Variants in SLC13A1 observed in about 807,000 individuals in gnomAD.
SLC13A1 encodes Na(+)/sulfate cotransporter.
In SLC13A1, 65 loss-of-function variants were observed where a neutral mutation model predicts 70.0. That is an observed-to-expected ratio of 0.93 (90% CI 0.76 to 1.14). The LOEUF is 1.14. Ranked by LOEUF, SLC13A1 falls within the 50% of genes most tolerant of loss-of-function variation. The pLI is 0.00. For missense variants in SLC13A1, 726 were observed against 717.8 expected, an observed-to-expected ratio of 1.01 and a Z score of -0.13; for synonymous variants, 275 against 250.5, an observed-to-expected ratio of 1.10 and a Z score of -0.92.
At chr7:123,192,683 C>G (rs1018667419) in intron 1 of SLC13A1, among the ~76,000 whole-genome samples, 4 of 152,068 alleles carry the variant, frequency 2.6e-5, no homozygotes, top group South Asian at 2.1e-4. Flanking sequence ...ATCATGCATT[C>G]TAAATCTCTG....
At chr7:123,150,849 C>T (rs1794530060) in intron 6 of SLC13A1, among the ~76,000 whole-genome samples, 1 of 152,102 alleles carries the variant, frequency 6.6e-6, no homozygotes, top group African/African-American at 2.4e-5. Flanking sequence ...GCCTTCCATC[C>T]TTCCTTAAAA....
At chr7:123,190,534 T>G (rs1237712058) in intron 1 of SLC13A1, 2 of 456,512 alleles carry the variant, frequency 4.4e-6, no homozygotes, top group African/African-American at 4.0e-5. Context: ...GAGGCCCTCC[T>G]GGTCAGTCAG....
At chr7:123,151,940 G>A (rs1294831701) in intron 6 of SLC13A1, among the ~76,000 whole-genome samples, 2 of 152,088 alleles carry the variant, frequency 1.3e-5, no homozygotes, top group Non-Finnish European at 2.9e-5. Context: ...TAATGAAATA[G>A]TGTGTTTATA....
At position 123,114,715 on chromosome 7, in the gene SLC13A1, T is replaced by C. The variant is rs1223156401; in HGVS notation, c.*803A>G. 6.6e-6 allele frequency: 1 copy of C among 152,180 alleles called. No homozygotes were observed. Among genetic ancestry groups the C allele is most frequent in the Non-Finnish European group, 1.5e-5 (1 of 68,010 alleles). The allele number at this position is 152,180 out of a possible 1,614,324, so 9.4% of individuals were successfully genotyped here. ...CGAAAATATGTTAATAGTTTTATAG[T>C]GTTCAGCTTTCCTTTCTAACTATAC... On this transcript the variant is annotated 3_prime_UTR_variant, in exon 15 of 15. Coordinates refer to ENST00000194130, the MANE Select transcript of SLC13A1 (RefSeq NM_022444.4).
At chr7:123,176,237 G>T (rs1450454956) in intron 2 of SLC13A1, among the ~76,000 whole-genome samples, 1 of 152,152 alleles carries the variant, frequency 6.6e-6, no homozygotes, top group African/African-American at 2.4e-5. Flanking sequence ...CCTATTCTAT[G>T]GTTTTCATCA....
At chr7:123,149,838 T>C (rs1794493699) in intron 6 of SLC13A1, among the ~76,000 whole-genome samples, 1 of 152,340 alleles carries the variant, frequency 6.6e-6, no homozygotes, top group South Asian at 2.1e-4. Flanking sequence ...TGCCCAGTTA[T>C]GGTCCTCTCC....
intron 6 of SLC13A1, among the ~76,000 whole-genome samples, chr7:123,163,663 A>C (rs1260033710): frequency 1.3e-5 from 2 of 152,078 alleles, no homozygotes; most frequent in Non-Finnish European, 2.9e-5. Flanking sequence ...TCTACCCAAA[A>C]TGAAACCAGT....
chr7:123,117,664 AT>A, intron 13 of SLC13A1, 56 bp from the exon 14 acceptor site: 5 of 1,201,874 alleles, frequency 4.2e-6, no homozygotes, highest in East Asian at 2.4e-5. Flanking sequence ...GACACGAAAC[AT>A]AAAAAAAAAA....
intron 6 of SLC13A1, among the ~76,000 whole-genome samples, chr7:123,150,944 T>G (rs1794532576): frequency 1.3e-5 from 2 of 152,134 alleles, no homozygotes; most frequent in Non-Finnish European, 2.9e-5. Context: ...TTTATTGATT[T>G]AATGACTATT....
chr7:123,170,674 G>A (rs1221253720), intron 3 of SLC13A1, among the ~76,000 whole-genome samples: 1 of 151,842 alleles, frequency 6.6e-6, no homozygotes, highest in African/African-American at 2.4e-5. Context: ...TGTTGCCCAG[G>A]CTGGAGTGCA....
intron 6 of SLC13A1, among the ~76,000 whole-genome samples, chr7:123,158,939 G>A (rs1440718064): frequency 6.6e-6 from 1 of 152,000 alleles, no homozygotes; most frequent in Non-Finnish European, 1.5e-5. Context: ...ATATATTCAA[G>A]AAGAAGGACC....
rs1793284520 is a variant in SLC13A1, at chr7:123,119,172, A to T, written c.1421T>A (p.Ile474Asn). 6.2e-7 allele frequency: 1 copy of T among 1,612,764 alleles called. No individual in the cohort carries two copies. Among genetic ancestry groups the T allele is most frequent in the African/African-American group, 1.3e-5 (1 of 74,880 alleles). ...PLGSLPAWLI[I>N]LISSLMVTSL... Reference sequence around the variant, plus strand: ...TGTCACCATCAAAGAAGATATCAGAATTATTAGCCATGCTGGTAATGAACC... The same window carrying T: ...TGTCACCATCAAAGAAGATATCAGATTTATTAGCCATGCTGGTAATGAACC... The change falls in exon 13 of 15, where the codon ATT (isoleucine) becomes AAT (asparagine). Residue 474 changes from isoleucine to asparagine, a missense_variant. Physicochemically the swap from Ile to Asn is moderately radical, Grantham distance 149 (BLOSUM62 -3). Coordinates refer to ENST00000194130, the MANE Select transcript of SLC13A1 (RefSeq NM_022444.4).
At chr7:123,138,436 C>T (rs1794023039) in intron 7 of SLC13A1, among the ~76,000 whole-genome samples, 1 of 152,126 alleles carries the variant, frequency 6.6e-6, no homozygotes, top group African/African-American at 2.4e-5. Flanking sequence ...ATATACCCTG[C>T]AGTGGGATTG....
chr7:123,135,256 TCAA>T (rs1158307848), intron 7 of SLC13A1, among the ~76,000 whole-genome samples: 2 of 152,116 alleles, frequency 1.3e-5, no homozygotes, highest in Admixed American at 6.6e-5. Context: ...ACATAATAAC[TCAA>T]CAACAACAAC....
At chr7:123,196,148 T>G (rs1267613246) in intron 1 of SLC13A1, among the ~76,000 whole-genome samples, 1 of 152,126 alleles carries the variant, frequency 6.6e-6, no homozygotes. Context: ...AGATTTTAAC[T>G]GGAAATATTT....
At chr7:123,168,263 A>G in intron 6 of SLC13A1, 111 bp downstream of exon 6, 1 of 693,538 alleles carries the variant, frequency 1.4e-6, no homozygotes, top group Non-Finnish European at 2.4e-6. Flanking sequence ...GTCAAGCAAA[A>G]TAATTTATAG....
At chr7:123,133,928 C>T (rs898335312) in intron 8 of SLC13A1, among the ~76,000 whole-genome samples, 2 of 152,098 alleles carry the variant, frequency 1.3e-5, no homozygotes, top group African/African-American at 2.4e-5. Flanking sequence ...ACCTCCACCC[C>T]GCAAGCTCAA....
chr7:123,118,621 AT>A (rs1363837039), intron 13 of SLC13A1, among the ~76,000 whole-genome samples: 1 of 152,142 alleles, frequency 6.6e-6, no homozygotes, highest in Non-Finnish European at 1.5e-5. Context: ...TGTCTAAGAT[AT>A]TTAAGCCTCA....
intron 14 of SLC13A1, among the ~76,000 whole-genome samples, chr7:123,115,897 G>A (rs1252594696): frequency 6.6e-6 from 1 of 152,120 alleles, no homozygotes; most frequent in African/African-American, 2.4e-5. Context: ...CTTAAATCCA[G>A]GGGTTCTTCT....
Sources: gnomAD v4.1 joint callset for allele counts (sites outside exome capture counted in the v4.1 genomes callset) on GRCh38, gnomAD v4.1.1 for gene constraint, MANE v1.5 for transcripts, NCBI Gene and HGNC (gene_info 2026-07-23, HGNC 2026-07-21) for gene names.